The following DOCK2 variants were observed in gnomAD, a reference collection of about 807,000 sequenced individuals.
DOCK2 encodes the protein dedicator of cytokinesis protein 2.
A neutral mutation model predicts 248.9 loss-of-function variants in DOCK2; 87 were observed. The observed-to-expected ratio is 0.35, with a 90% CI of 0.29 to 0.42. The LOEUF is 0.42. DOCK2 is among the 10% of genes least tolerant of loss of function. The pLI, the probability that DOCK2 is intolerant of heterozygous loss-of-function variation, is 1.00. For synonymous variants in DOCK2, 805 were observed against 821.6 expected (o/e 0.98, Z 0.35); for missense variants, 1,747 against 2,300.2 (o/e 0.76, Z 4.92).
chr5:169,850,015 G>C (rs1195368611), intron 27 of DOCK2, among the ~76,000 whole-genome samples: 1 of 152,178 alleles, frequency 6.6e-6, no homozygotes, highest in Non-Finnish European at 1.5e-5. Flanking sequence ...TGTTATTACT[G>C]TTAGCTTTAT....
chr5:169,799,670 A>G (rs1171873967), intron 25 of DOCK2, among the ~76,000 whole-genome samples: 1 of 152,252 alleles, frequency 6.6e-6, no homozygotes, highest in Admixed American at 6.5e-5. Context: ...CAAGATATGG[A>G]CTAAATATTT....
rs183818163 is a variant in DOCK2 at position 170,039,665 on chromosome 5, G to A, written c.3666-1390G>A. Among the ~76,000 whole-genome samples, 348 of 152,296 alleles carry A rather than the reference G, an allele frequency of 2.3e-3. 7 individuals carry two copies. The South Asian group carries it at 0.036, about 16-fold the overall frequency. ...TTTGACCCACTGACCCATTTTATGT[G>A]GCAGGAACACTGAACATTCACTTCT... On this transcript the variant is annotated intron_variant, in intron 36 of 51. Transcript: ENST00000520908.
At chr5:169,920,179 C>A (rs534872810) in intron 27 of DOCK2, among the ~76,000 whole-genome samples, 13 of 152,132 alleles carry the variant, frequency 8.5e-5, no homozygotes, top group Non-Finnish European at 1.8e-4. Context: ...GGTTCAAACC[C>A]AGGCAGTCCA....
At chr5:169,675,781 C>T (rs1159593660) in intron 6 of DOCK2, among the ~76,000 whole-genome samples, 1 of 152,156 alleles carries the variant, frequency 6.6e-6, no homozygotes, top group Non-Finnish European at 1.5e-5. Flanking sequence ...TCCCCAGCAG[C>T]CAGGCCAGGC....
chr5:169,981,154 G>A (rs1055856237), intron 27 of DOCK2, among the ~76,000 whole-genome samples: 3 of 152,140 alleles, frequency 2.0e-5, no homozygotes, highest in Admixed American at 6.5e-5. Flanking sequence ...TGTTCCTGCT[G>A]ACAAGGAAAG....
chr5:169,954,974 G>T (rs1404872284), intron 27 of DOCK2, among the ~76,000 whole-genome samples: 6 of 152,230 alleles, frequency 3.9e-5, no homozygotes, highest in Non-Finnish European at 7.3e-5. Flanking sequence ...CGCAGACTGT[G>T]CCTCCTGTGA....
At chr5:169,893,624 G>A (rs1773422967) in intron 27 of DOCK2, among the ~76,000 whole-genome samples, 1 of 152,068 alleles carries the variant, frequency 6.6e-6, no homozygotes, top group Non-Finnish European at 1.5e-5. Flanking sequence ...GAATAGCTCT[G>A]TGTGTCAGAT....
chr5:170,055,937 C>T (rs1757112281), intron 42 of DOCK2, among the ~76,000 whole-genome samples: 1 of 152,238 alleles, frequency 6.6e-6, no homozygotes, highest in Non-Finnish European at 1.5e-5. Context: ...AAGGTGGGGC[C>T]TCTGTGGGAC....
chr5:169,969,922 G>C (rs571423588), intron 27 of DOCK2, among the ~76,000 whole-genome samples: 56 of 152,352 alleles, frequency 3.7e-4, no homozygotes, highest in African/African-American at 1.3e-3. Context: ...TTCAATGCAA[G>C]TTCTTCTGGT....
intron 27 of DOCK2, among the ~76,000 whole-genome samples, chr5:169,866,414 C>A (rs1581316922): frequency 6.6e-6 from 1 of 152,238 alleles, no homozygotes; most frequent in Non-Finnish European, 1.5e-5. Context: ...GTGTCCTCAT[C>A]TGCAAAATGA....
In DOCK2 at chr5:169,992,385, G is replaced by T. The variant is rs368713920; in HGVS notation, c.2994-3701G>T. ...AACGAACTTTGTTTTCAACAATTCAGGTTCATTGTTGAGAGTAATAGAGTT... is the reference window on the plus strand; with the variant it reads ...AACGAACTTTGTTTTCAACAATTCATGTTCATTGTTGAGAGTAATAGAGTT... On this transcript the variant is annotated intron_variant, in intron 29 of 51. Transcript: ENST00000520908. 5.9e-5 allele frequency among the ~76,000 whole-genome samples: 9 copies of T among 152,352 alleles called. No individual in the cohort carries two copies. The East Asian group carries it at 1.3e-3, about 23-fold the overall frequency.
chr5:170,081,662 G>A (rs1758036746), intron 50 of DOCK2, 180 bp from the exon 51 acceptor site: 4 of 698,360 alleles, frequency 5.7e-6, no homozygotes, highest in Non-Finnish European at 9.2e-6. Flanking sequence ...CACTGCAAGA[G>A]GACAGCTTCA....
intron 27 of DOCK2, among the ~76,000 whole-genome samples, chr5:169,892,242 AC>A (rs955987457): frequency 1.3e-4 from 19 of 151,604 alleles, no homozygotes; most frequent in Non-Finnish European, 2.4e-4. Flanking sequence ...CATGAAGACA[AC>A]CCCCCTCATT....
chr5:169,848,382 C>A (rs1370097819), intron 27 of DOCK2, among the ~76,000 whole-genome samples: 2 of 152,206 alleles, frequency 1.3e-5, no homozygotes, highest in African/African-American at 4.8e-5. Context: ...CATCTGTGCT[C>A]CCTTCCAGGA....
At chr5:169,992,752 C>T (rs745474067) in intron 29 of DOCK2, among the ~76,000 whole-genome samples, 1 of 151,406 alleles carries the variant, frequency 6.6e-6, no homozygotes, top group Non-Finnish European at 1.5e-5. Flanking sequence ...CGTGAGCCAC[C>T]GTGCCCAGCC....
chr5:169,960,203 A>C (rs1777029265), intron 27 of DOCK2, among the ~76,000 whole-genome samples: 1 of 152,212 alleles, frequency 6.6e-6, no homozygotes, highest in East Asian at 1.9e-4. Flanking sequence ...GTTCCAGAGG[A>C]GGAAATAATG....
chr5:169,725,552 C>G (rs1260116193), intron 22 of DOCK2, among the ~76,000 whole-genome samples: 1 of 151,952 alleles, frequency 6.6e-6, no homozygotes, highest in Non-Finnish European at 1.5e-5. Context: ...TACATGTGCA[C>G]AAAGTGCACA....
chr5:169,841,369 G>T (rs1050167372), intron 27 of DOCK2: 16 of 987,044 alleles, frequency 1.6e-5, no homozygotes, highest in Non-Finnish European at 1.8e-5. Context: ...TTTCTGCCCC[G>T]TCATCTGATT....
At chr5:169,660,687 T>G (rs1055574044) in intron 2 of DOCK2, among the ~76,000 whole-genome samples, 7 of 152,226 alleles carry the variant, frequency 4.6e-5, no homozygotes, top group Non-Finnish European at 8.8e-5. Context: ...AATTCTTTGC[T>G]TTTAATATAA....
Sources: allele counts gnomAD v4.1 joint callset (sites outside exome capture counted in the v4.1 genomes callset), GRCh38; gene constraint gnomAD v4.1.1; transcripts MANE v1.5; gene names NCBI Gene and HGNC (gene_info 2026-07-23, HGNC 2026-07-21).